PTPRG: variants seen among roughly 807,000 people sequenced by gnomAD.
PTPRG encodes receptor-type tyrosine-protein phosphatase gamma.
A neutral mutation model predicts 165.3 loss-of-function variants in PTPRG; 102 were observed. The observed-to-expected ratio is 0.62, with a 90% CI of 0.53 to 0.73. The LOEUF is 0.73. Ranked by LOEUF, PTPRG falls within the 30% of genes least tolerant of loss-of-function variation. The probability of loss-of-function intolerance (pLI) is 0.00; values close to 1 mark genes in which losing one functional copy is unlikely to be tolerated. For synonymous variants in PTPRG, 675 were observed against 669.5 expected, an observed-to-expected ratio of 1.01 and a Z score of -0.13; for missense variants, 1,866 against 1,861.4, an observed-to-expected ratio of 1.00 and a Z score of -0.05.
At chr3:61,598,459 G>C (rs4688638) in intron 1 of PTPRG, among the ~76,000 whole-genome samples, 14,540 of 151,982 alleles carry the variant, frequency 0.096, 770 homozygotes, top group East Asian at 0.22. Context: ...TGCTGTCCCC[G>C]TCCTGTCTCT....
intron 3 of PTPRG, 136 bp from the exon 4 acceptor site, chr3:62,003,212 TC>T: frequency 1.0e-6 from 1 of 999,832 alleles, no homozygotes; most frequent in South Asian, 1.7e-5. Flanking sequence ...GCGGGTGTGT[TC>T]AACATATTTT....
intron 5 of PTPRG, among the ~76,000 whole-genome samples, chr3:62,090,075 A>G (rs1033266386): frequency 6.6e-6 from 1 of 152,204 alleles, no homozygotes. Flanking sequence ...ATTTGGTGAG[A>G]GATACTTCTA....
At chr3:61,581,349 G>C (rs116762363) in intron 1 of PTPRG, among the ~76,000 whole-genome samples, 1,551 of 152,308 alleles carry the variant, frequency 0.01, 12 homozygotes, top group Non-Finnish European at 0.019. Context: ...TAAGAAGGAA[G>C]GTCAAATCAG....
intron 8 of PTPRG, among the ~76,000 whole-genome samples, chr3:62,176,733 T>G (rs9819986): frequency 0.01 from 1,561 of 151,942 alleles, 9 homozygotes; most frequent in Middle Eastern, 0.034. Context: ...GTGGGGCCAT[T>G]TAGGCAGAAG....
At chr3:61,762,856 A>T (rs948443606) in intron 2 of PTPRG, among the ~76,000 whole-genome samples, 16 of 152,014 alleles carry the variant, frequency 1.1e-4, no homozygotes, top group Admixed American at 9.2e-4. Context: ...TTTAAGGTAC[A>T]CCCCATGTTG....
intron 2 of PTPRG, among the ~76,000 whole-genome samples, chr3:61,913,119 T>C (rs993116568): frequency 1.3e-5 from 2 of 152,220 alleles, no homozygotes; most frequent in African/African-American, 4.8e-5. Context: ...TATGGATGTA[T>C]TGCATAATGT....
intron 1 of PTPRG, among the ~76,000 whole-genome samples, chr3:61,689,598 A>G (rs937448094): frequency 2.6e-5 from 4 of 152,196 alleles, no homozygotes; most frequent in Admixed American, 6.5e-5. Context: ...AGGACCTTGG[A>G]AATTGAGGCA....
rs535618335 is a variant in PTPRG, at chr3:61,707,887, C to G, written c.86-40991C>G. ...CATTGCAGCCTTGACCTCCCTGTTTCAAGCAATTCTTCTCCCTCAGCCTCC... is the reference window on the plus strand; with the variant it reads ...CATTGCAGCCTTGACCTCCCTGTTTGAAGCAATTCTTCTCCCTCAGCCTCC... On this transcript the variant is annotated intron_variant, in intron 1 of 29. Coordinates refer to ENST00000474889, the MANE Select transcript of PTPRG (RefSeq NM_002841.4). Among the ~76,000 whole-genome samples the G allele has an allele frequency of 2.6e-5, 4 of 152,256 alleles. No individual in the cohort carries two copies. The South Asian group carries it at 8.3e-4, about 32-fold the overall frequency.
At chr3:62,046,560 A>G (rs184572591) in intron 4 of PTPRG, among the ~76,000 whole-genome samples, 5 of 152,272 alleles carry the variant, frequency 3.3e-5, no homozygotes, top group African/African-American at 9.6e-5. Context: ...GCCACCACCA[A>G]TTAGTCATCA....
chr3:62,103,545 A>G (rs1702366163), intron 5 of PTPRG, among the ~76,000 whole-genome samples: 2 of 152,218 alleles, frequency 1.3e-5, no homozygotes, highest in African/African-American at 2.4e-5. Context: ...ATACATAATT[A>G]TCTTCTAGTT....
intron 4 of PTPRG, among the ~76,000 whole-genome samples, chr3:62,026,880 A>T (rs1413578662): frequency 1.9e-4 from 13 of 70,078 alleles, no homozygotes; most frequent in East Asian, 2.8e-4. Context: ...AGTGAGAATT[A>T]AAAAAAAAAA....
At chr3:61,948,273 C>T (rs1214968013) in intron 2 of PTPRG, among the ~76,000 whole-genome samples, 3 of 151,964 alleles carry the variant, frequency 2.0e-5, no homozygotes, top group Admixed American at 6.6e-5. Flanking sequence ...TGCAGTGAGC[C>T]GAGATCGCTC....
rs551661015 is a variant in PTPRG, at chr3:61,882,257, A to T, written c.191-107368A>T. ...GTGTGTTGTTTACACAATTCCAGTG[A>T]CTAGTTGGGAAGTTGTTTCCTCTGA... is the stretch of plus-strand genomic sequence containing the variant. On this transcript the variant is annotated intron_variant, in intron 2 of 29. Transcript: ENST00000474889. Among the ~76,000 whole-genome samples, 20 of 152,326 alleles carry T rather than the reference A, an allele frequency of 1.3e-4. No individual in the cohort carries two copies. In the East Asian group the frequency reaches 3.7e-3, roughly 28 times the overall value.
intron 4 of PTPRG, among the ~76,000 whole-genome samples, chr3:62,066,902 G>A (rs1354150153): frequency 6.6e-6 from 1 of 152,066 alleles, no homozygotes; most frequent in Non-Finnish European, 1.5e-5. Context: ...GCTGGATGTG[G>A]TGGCACGTGC....
At chr3:62,135,960 A>G (rs1457878650) in intron 6 of PTPRG, among the ~76,000 whole-genome samples, 4 of 152,172 alleles carry the variant, frequency 2.6e-5, no homozygotes, top group African/African-American at 9.7e-5. Flanking sequence ...CCCAGCAAGA[A>G]TAGCCTGATT....
intron 20 of PTPRG, 64 bp downstream of exon 20, chr3:62,269,233 T>A: frequency 6.8e-7 from 1 of 1,460,824 alleles, no homozygotes; most frequent in Non-Finnish European, 9.2e-7. Context: ...AAAATTACTG[T>A]ACAACCAAGG....
chr3:61,695,690 G>A (rs527610826), intron 1 of PTPRG, among the ~76,000 whole-genome samples: 4 of 152,244 alleles, frequency 2.6e-5, no homozygotes, highest in South Asian at 2.1e-4. Context: ...ATACATTTCC[G>A]TTGAAGATAT....
Position 61,561,991 on chromosome 3 carries a change from C to T in PTPRG, c.-297C>T, listed in dbSNP as rs1699766769. 1 of 258,536 alleles carries T rather than the reference C, an allele frequency of 3.9e-6. No individual in the cohort carries two copies. 16.0% of individuals were successfully genotyped at this position (258,536 alleles called of 1,614,324 possible). A position where few individuals can be genotyped will look rare whatever the true frequency, so the allele number is the denominator to read the frequency against. On this transcript the variant is annotated 5_prime_UTR_variant, in exon 1 of 30. Coordinates refer to ENST00000474889, the MANE Select transcript of PTPRG (RefSeq NM_002841.4). ...CCAGGCCCGGGGCATCGCCGCCGGC[C>T]GCCGACTCCGCGCCCTGCCCGATCG...
intron 2 of PTPRG, among the ~76,000 whole-genome samples, chr3:61,809,270 A>G (rs769530928): frequency 6.6e-6 from 1 of 151,934 alleles, no homozygotes. Context: ...TTATATTACC[A>G]TACTAGAAGT....
Sources: allele counts gnomAD v4.1 joint callset (sites outside exome capture counted in the v4.1 genomes callset), GRCh38; gene constraint gnomAD v4.1.1; transcripts MANE v1.5; gene names NCBI Gene and HGNC (gene_info 2026-07-23, HGNC 2026-07-21).